ADGRV1: variants seen among roughly 807,000 people sequenced by gnomAD.
ADGRV1 encodes the protein adhesion G protein-coupled receptor V1.
A neutral mutation model predicts 596.2 loss-of-function variants in ADGRV1; 359 were observed. That is an observed-to-expected ratio of 0.60 (90% CI 0.55 to 0.66). The LOEUF is 0.66. Ranked by LOEUF, ADGRV1 falls within the 30% of genes least tolerant of loss-of-function variation. The pLI is 0.00. For synonymous variants in ADGRV1, 2,681 were observed against 2,679.2 expected, an observed-to-expected ratio of 1.00 and a Z score of -0.02; for missense variants, 7,274 against 7,575.6, an observed-to-expected ratio of 0.96 and a Z score of 1.48.
rs978089102 is a variant in ADGRV1, at chr5:90,985,369, T to C, written c.17999T>C (p.Val6000Ala). The C allele has an allele frequency of 8.1e-6, 13 of 1,612,882 alleles. No individual in the cohort carries two copies. The highest frequency in any genetic ancestry group is 1.1e-5 in the Non-Finnish European group (13 of 1,179,260). The change falls in exon 85 of 90, where the codon GTG becomes GCG. Residue 6000 changes from valine to alanine, a missense_variant. Physicochemically the swap from Val to Ala is moderately conservative, Grantham distance 64. Around this residue, in one of 5 missense-constraint regions of ADGRV1, gnomAD observed 1,874 missense variants for 1,970.2 expected, o/e 0.95. Coordinates refer to ENST00000405460, the MANE Select transcript of ADGRV1 (RefSeq NM_032119.4). ...IQSVNFWYVL[V>A]MNDEHTERRY... Reference sequence around the variant, plus strand: ...TCTGTGAATTTCTGGTACGTGCTGGTGATGAATGATGAGCACACAGAGAGG... The same window carrying C: ...TCTGTGAATTTCTGGTACGTGCTGGCGATGAATGATGAGCACACAGAGAGG...
chr5:91,016,421 A>G (rs1413164283), intron 85 of ADGRV1, among the ~76,000 whole-genome samples: 1 of 151,960 alleles, frequency 6.6e-6, no homozygotes, highest in Non-Finnish European at 1.5e-5. Context: ...CTTGTGACCC[A>G]GGTCATTTAC....
intron 74 of ADGRV1, 101 bp from the exon 75 acceptor site, chr5:90,815,518 T>C: frequency 1.6e-6 from 1 of 615,768 alleles, no homozygotes; most frequent in Admixed American, 2.9e-5. Context: ...CACCTGTGAA[T>C]TTCTCACTTT....
At chr5:90,974,128 A>G (rs1779330477) in intron 84 of ADGRV1, among the ~76,000 whole-genome samples, 1 of 152,174 alleles carries the variant, frequency 6.6e-6, no homozygotes, top group Non-Finnish European at 1.5e-5. Context: ...AATACCTAGG[A>G]ATCCAACTTA....
chr5:90,676,117 G>T lies in ADGRV1; in HGVS notation c.5351G>T (p.Arg1784Ile). The change falls in exon 25 of 90, where the codon AGA becomes ATA. Residue 1784 changes from arginine to isoleucine, a missense_variant. Coordinates refer to ENST00000405460, the MANE Select transcript of ADGRV1 (RefSeq NM_032119.4). ...AGTLEFQPGE[R>I]YKYIFINITD... ...ACATTAGAATTTCAACCAGGAGAAA[G>T]ATATAAATACATTTTCATAAACATC... 1 of 1,603,876 alleles carries T rather than the reference G, an allele frequency of 6.2e-7. No homozygotes were observed. The highest frequency in any genetic ancestry group is 1.1e-5 in the South Asian group (1 of 89,798).
intron 86 of ADGRV1, among the ~76,000 whole-genome samples, chr5:91,081,845 C>T (rs1227327999): frequency 6.6e-6 from 1 of 152,138 alleles, no homozygotes; most frequent in South Asian, 2.1e-4. Flanking sequence ...TACTTCTCCA[C>T]ATAGTCTTTA....
intron 77 of ADGRV1, among the ~76,000 whole-genome samples, chr5:90,831,436 G>A (rs1396621396): frequency 6.6e-6 from 1 of 151,748 alleles, no homozygotes; most frequent in East Asian, 1.9e-4. Flanking sequence ...ATTTTTGTAG[G>A]TACATAGTAG....
intron 87 of ADGRV1, among the ~76,000 whole-genome samples, chr5:91,144,989 G>T (rs1362754696): frequency 6.6e-6 from 1 of 152,204 alleles, no homozygotes; most frequent in East Asian, 1.9e-4. Flanking sequence ...ACGGGGACTT[G>T]TTTTTATCCT....
intron 30 of ADGRV1, among the ~76,000 whole-genome samples, chr5:90,690,325 C>T (rs889730544): frequency 1.1e-4 from 16 of 152,046 alleles, no homozygotes; most frequent in Non-Finnish European, 1.8e-4. Flanking sequence ...TGACCTGGCT[C>T]CTATATGTGT....
chr5:90,748,912 A>G (rs1319407004), intron 52 of ADGRV1, among the ~76,000 whole-genome samples: 1 of 149,648 alleles, frequency 6.7e-6, no homozygotes, highest in Non-Finnish European at 1.5e-5. Flanking sequence ...AGTGCCTGGC[A>G]CACATTAGGG....
At chr5:90,909,758 C>CAAG in intron 83 of ADGRV1, among the ~76,000 whole-genome samples, 1 of 152,018 alleles carries the variant, frequency 6.6e-6, no homozygotes, top group East Asian at 1.9e-4. Context: ...CAAAAGTAGG[C>CAAG]AAGATGATCC....
intron 86 of ADGRV1, among the ~76,000 whole-genome samples, chr5:91,093,823 C>T (rs576426010): frequency 3.3e-5 from 5 of 150,722 alleles, no homozygotes; most frequent in African/African-American, 4.9e-5. Context: ...AATATTCATA[C>T]GTGTGTATCA....
intron 1 of ADGRV1, among the ~76,000 whole-genome samples, chr5:90,608,025 AC>A (rs1762311806): frequency 6.6e-6 from 1 of 152,180 alleles, no homozygotes; most frequent in Non-Finnish European, 1.5e-5. Flanking sequence ...ATAACAGGAT[AC>A]TGTTAAATTC....
chr5:90,937,558 C>T (rs1775812125), intron 83 of ADGRV1, among the ~76,000 whole-genome samples: 2 of 151,342 alleles, frequency 1.3e-5, no homozygotes, highest in South Asian at 4.2e-4. Context: ...CCCGGGTTCA[C>T]GCCGTTCTCC....
chr5:90,998,434 A>G (rs1781587141), intron 85 of ADGRV1, among the ~76,000 whole-genome samples: 1 of 152,154 alleles, frequency 6.6e-6, no homozygotes, highest in Admixed American at 6.5e-5. Context: ...ATCAGTATGT[A>G]ATACCCTGTA....
intron 83 of ADGRV1, among the ~76,000 whole-genome samples, chr5:90,924,330 G>C (rs1427000992): frequency 6.6e-6 from 1 of 151,714 alleles, no homozygotes; most frequent in Non-Finnish European, 1.5e-5. Flanking sequence ...ATTCTAACTG[G>C]TGTGAGATGG....
chr5:90,758,805 T>C (rs1333429498), intron 57 of ADGRV1, among the ~76,000 whole-genome samples: 1 of 152,206 alleles, frequency 6.6e-6, no homozygotes, highest in Non-Finnish European at 1.5e-5. Flanking sequence ...ATAAAAACTT[T>C]TAACATAGAC....
intron 21 of ADGRV1, among the ~76,000 whole-genome samples, chr5:90,661,300 C>T (rs6879747): frequency 0.04 from 6,013 of 152,198 alleles, 404 homozygotes; most frequent in African/African-American, 0.14. Context: ...ATAACTAATA[C>T]TTGCATTATA....
intron 50 of ADGRV1, among the ~76,000 whole-genome samples, chr5:90,738,199 CTA>C (rs1161156252): frequency 6.6e-6 from 1 of 152,022 alleles, no homozygotes; most frequent in African/African-American, 2.4e-5. Context: ...CAAACAAAAA[CTA>C]TATTTTTATG....
chr5:90,745,924 C>G, intron 52 of ADGRV1, 129 bp downstream of exon 52: 1 of 609,196 alleles, frequency 1.6e-6, no homozygotes, highest in South Asian at 2.2e-5. Flanking sequence ...TCCCTTTCCC[C>G]TGCCTCCCTT....
Sources: gnomAD v4.1 joint callset for allele counts (sites outside exome capture counted in the v4.1 genomes callset) on GRCh38, gnomAD v4.1.1 for gene constraint, gnomAD v4.1.1 regional missense constraint, MANE v1.5 for transcripts, NCBI Gene and HGNC (gene_info 2026-07-23, HGNC 2026-07-21) for gene names.